NDST4: variants seen among roughly 807,000 people sequenced by gnomAD.
NDST4 encodes N-deacetylase and N-sulfotransferase 4, also known as N-heparan sulfate sulfotransferase 4.
In NDST4, 63 loss-of-function variants were observed where a neutral mutation model predicts 100.8. That is an observed-to-expected ratio of 0.62 (90% CI 0.51 to 0.77). The LOEUF is 0.77. NDST4 is among the 30% of genes least tolerant of loss of function. The pLI is 0.00. For missense variants in NDST4, 943 were observed against 1,018.4 expected, an observed-to-expected ratio of 0.93 and a Z score of 1.01; for synonymous variants, 377 against 361.8, an observed-to-expected ratio of 1.04 and a Z score of -0.48.
chr4:115,096,979 CT>C (rs1282029040), intron 1 of NDST4, among the ~76,000 whole-genome samples: 1 of 152,038 alleles, frequency 6.6e-6, no homozygotes, highest in Non-Finnish European at 1.5e-5. Context: ...TTTTATACCC[CT>C]GATCATCCCC....
At chr4:114,956,110 C>T (rs1462141462) in intron 4 of NDST4, 1 of 152,312 alleles carries the variant, frequency 6.6e-6, no homozygotes, top group African/African-American at 2.4e-5. Context: ...TTTTCCCTTG[C>T]CTCATCTCAA....
chr4:114,840,504 G>C (rs1227111399), intron 10 of NDST4, among the ~76,000 whole-genome samples: 1 of 152,128 alleles, frequency 6.6e-6, no homozygotes, highest in Non-Finnish European at 1.5e-5. Context: ...TGCTGTGACA[G>C]CCAGATCAGT....
At chr4:114,942,062 G>C (rs1405722299) in intron 4 of NDST4, among the ~76,000 whole-genome samples, 1 of 152,176 alleles carries the variant, frequency 6.6e-6, no homozygotes, top group Non-Finnish European at 1.5e-5. Context: ...TATTTTTCTA[G>C]CTGGATACTA....
intron 4 of NDST4, among the ~76,000 whole-genome samples, chr4:114,947,019 G>A (rs1725881688): frequency 6.6e-6 from 1 of 151,902 alleles, no homozygotes. Context: ...ATTATCAGCT[G>A]AGAGTAGGGA....
intron 6 of NDST4, among the ~76,000 whole-genome samples, chr4:114,879,504 C>CT (rs969657687): frequency 1.3e-5 from 2 of 152,114 alleles, no homozygotes; most frequent in Non-Finnish European, 2.9e-5. Flanking sequence ...TTCCCTTGCC[C>CT]TTCAGGCCAC....
chr4:115,111,398 A>G (rs902567733), intron 1 of NDST4, among the ~76,000 whole-genome samples: 1 of 151,744 alleles, frequency 6.6e-6, no homozygotes, highest in African/African-American at 2.4e-5. Flanking sequence ...ATATGTTTCT[A>G]TTTTGATTAT....
intron 2 of NDST4, among the ~76,000 whole-genome samples, chr4:114,997,828 T>A (rs1346409765): frequency 6.6e-6 from 1 of 152,056 alleles, no homozygotes; most frequent in Non-Finnish European, 1.5e-5. Context: ...GATGTTCTTT[T>A]CTGCCCACTC....
chr4:114,991,575 T>G (rs279506), intron 2 of NDST4, among the ~76,000 whole-genome samples: 50,929 of 151,884 alleles, frequency 0.34, 8,593 homozygotes, highest in South Asian at 0.47. Context: ...AATGTGACAT[T>G]CCTGGAAATA....
At chr4:115,106,120 G>T (rs946437450) in intron 1 of NDST4, among the ~76,000 whole-genome samples, 2 of 152,012 alleles carry the variant, frequency 1.3e-5, no homozygotes, top group Admixed American at 6.6e-5. Context: ...ACAGTGTGGG[G>T]GTAGGGCAAA....
At chr4:114,924,135 G>A (rs1170158836) in intron 6 of NDST4, among the ~76,000 whole-genome samples, 1 of 151,958 alleles carries the variant, frequency 6.6e-6, no homozygotes, top group Non-Finnish European at 1.5e-5. Flanking sequence ...ATTTTTTACA[G>A]CACACTTGAT....
chr4:114,971,607 A>G (rs1726516200), intron 3 of NDST4, among the ~76,000 whole-genome samples: 1 of 152,144 alleles, frequency 6.6e-6, no homozygotes, highest in Non-Finnish European at 1.5e-5. Context: ...GTCCTGGCTT[A>G]TAGTGTGGGT....
intron 2 of NDST4, among the ~76,000 whole-genome samples, chr4:115,068,939 G>C (rs1359924421): frequency 6.6e-6 from 1 of 151,952 alleles, no homozygotes; most frequent in Non-Finnish European, 1.5e-5. Context: ...TCATTTGTAA[G>C]GTTGTGTAAT....
chr4:114,935,680 T>C (rs1270194064), intron 5 of NDST4, among the ~76,000 whole-genome samples: 1 of 152,178 alleles, frequency 6.6e-6, no homozygotes. Flanking sequence ...TTTCATGCCA[T>C]TAGGCCATTA....
Position 114,887,714 on chromosome 4 carries a change from G to A in NDST4, c.1537-16764C>T, listed in dbSNP as rs1223035803. Among the ~76,000 whole-genome samples the A allele has an allele frequency of 2.0e-5, 3 of 152,050 alleles. No individual in the cohort carries two copies. The East Asian group carries it at 5.8e-4, about 29-fold the overall frequency. ...TAGTTAATACATCTGCTCATCTGGA[G>A]CACATTCAATTTATTTATTAAAATA... On this transcript the variant is annotated intron_variant, in intron 6 of 13. Transcript: ENST00000264363.
chr4:115,002,862 A>G (rs1490842475), intron 2 of NDST4, among the ~76,000 whole-genome samples: 3 of 152,182 alleles, frequency 2.0e-5, no homozygotes, highest in Admixed American at 2.0e-4. Flanking sequence ...GATAAAGAAA[A>G]TGTTGCACAT....
At position 115,082,551 on chromosome 4, in the gene NDST4, A is replaced by C. The variant is rs1001616925; in HGVS notation, c.-246-5269T>G. Among the ~76,000 whole-genome samples, 3 of 152,170 alleles carry C rather than the reference A, an allele frequency of 2.0e-5. No individual in the cohort carries two copies. In the East Asian group the frequency reaches 5.8e-4, roughly 29 times the overall value. On this transcript the variant is annotated intron_variant, in intron 1 of 13. Coordinates refer to ENST00000264363, the MANE Select transcript of NDST4 (RefSeq NM_022569.3). ...ATCTGATGAGCTGTACAGATCACTA[A>C]AGAGGCTCCTGAAAATTCAGCTGAA... is the stretch of plus-strand genomic sequence containing the variant.
intron 6 of NDST4, among the ~76,000 whole-genome samples, chr4:114,876,679 ATATAAC>A (rs1346227323): frequency 6.6e-6 from 1 of 152,170 alleles, no homozygotes; most frequent in Non-Finnish European, 1.5e-5. Context: ...TCCAAACCTA[ATATAAC>A]TATATTAATC....
chr4:115,033,110 G>T (rs1578470301), intron 2 of NDST4, among the ~76,000 whole-genome samples: 4 of 140,954 alleles, frequency 2.8e-5, no homozygotes, highest in Admixed American at 7.3e-5. Context: ...TATTTTGAAT[G>T]CAAAAATTAT....
intron 2 of NDST4, among the ~76,000 whole-genome samples, chr4:115,030,346 C>T (rs1041694519): frequency 6.6e-6 from 1 of 152,060 alleles, no homozygotes; most frequent in African/African-American, 2.4e-5. Context: ...TCTGTTAATA[C>T]TGAGCATCTA....
Sources: allele counts gnomAD v4.1 joint callset (sites outside exome capture counted in the v4.1 genomes callset), GRCh38; gene constraint gnomAD v4.1.1; transcripts MANE v1.5; gene names NCBI Gene and HGNC (gene_info 2026-07-23, HGNC 2026-07-21).